APP: variants seen among roughly 807,000 people sequenced by gnomAD.
The protein encoded by APP is amyloid-beta precursor protein.
A neutral mutation model predicts 101.4 loss-of-function variants in APP; 31 were observed. The ratio of observed to expected loss-of-function variants is 0.31; its 90% CI spans 0.23 to 0.41. APP has a LOEUF of 0.41. APP is among the 10% of genes least tolerant of loss of function. The probability of loss-of-function intolerance (pLI) is 1.00; values close to 1 mark genes in which losing one functional copy is unlikely to be tolerated. For missense variants in APP, 839 were observed against 1,003.7 expected (o/e 0.84, Z 2.22); for synonymous variants, 366 against 364.4 (o/e 1.00, Z -0.05).
chr21:25,985,645 G>T (rs749330707), intron 8 of APP, among the ~76,000 whole-genome samples: 16 of 152,086 alleles, frequency 1.1e-4, no homozygotes, highest in Non-Finnish European at 2.2e-4. Context: ...ATTGTTGTGT[G>T]AGTCAATTCT....
chr21:26,140,024 A>G, intron 1 of APP: 1 of 730,742 alleles, frequency 1.4e-6, no homozygotes, highest in Non-Finnish European at 2.3e-6. Flanking sequence ...AATAATTTGC[A>G]AACTTCATCC....
intron 1 of APP, among the ~76,000 whole-genome samples, chr21:26,166,464 T>A (rs2063612255): frequency 1.3e-5 from 2 of 152,326 alleles, no homozygotes; most frequent in South Asian, 4.1e-4. Flanking sequence ...GATTTTTTTA[T>A]TTCTGTTTTC....
At chr21:26,078,996 T>A (rs914071045) in intron 3 of APP, among the ~76,000 whole-genome samples, 4 of 150,246 alleles carry the variant, frequency 2.7e-5, no homozygotes, top group African/African-American at 9.8e-5. Context: ...TGAGCTGAGA[T>A]TGTGCCATTG....
intron 3 of APP, among the ~76,000 whole-genome samples, chr21:26,073,790 C>G (rs966757541): frequency 6.6e-5 from 10 of 152,174 alleles, no homozygotes; most frequent in African/African-American, 2.4e-4. Flanking sequence ...CCCAGGAATT[C>G]AGACTCACCT....
chr21:25,946,666 C>T (rs2040835588), intron 13 of APP, among the ~76,000 whole-genome samples: 1 of 149,320 alleles, frequency 6.7e-6, no homozygotes, highest in African/African-American at 2.5e-5. Flanking sequence ...ACTCTGTCTC[C>T]AAAAATAAAA....
rs187905438 is a variant in APP at position 26,003,418 on chromosome 21, T to C, written c.866-3236A>G. 4.6e-5 allele frequency among the ~76,000 whole-genome samples: 7 copies of C among 152,322 alleles called. 1 individual carries two copies. On this transcript the variant is annotated intron_variant, in intron 6 of 17. Coordinates refer to ENST00000346798, the MANE Select transcript of APP (RefSeq NM_000484.4). ...TTAGGGGCAGTTGGCACTCTTGACT[T>C]TGAACGGCCCCCAAGAGTTTCACTG...
chr21:25,887,792 G>C (rs145436056), intron 17 of APP, among the ~76,000 whole-genome samples: 2 of 152,230 alleles, frequency 1.3e-5, no homozygotes, highest in African/African-American at 4.8e-5. Context: ...AATAGTTGTA[G>C]GTGTGTAGCC....
chr21:26,053,455 T>G, intron 3 of APP, 107 bp from the exon 4 acceptor site: 1 of 838,264 alleles, frequency 1.2e-6, no homozygotes, highest in Non-Finnish European at 2.0e-6. Flanking sequence ...AACAGCCTTT[T>G]AATGCCTAAG....
chr21:25,881,567 T>A lies in APP; in HGVS notation c.*103A>T. 1.5e-6 allele frequency: 2 copies of A among 1,333,922 alleles called. No individual in the cohort carries two copies. The highest frequency in any genetic ancestry group is 2.3e-5 in the South Asian group (2 of 85,162). 82.6% of individuals were successfully genotyped at this position (1,333,922 alleles called of 1,614,324 possible). ...TCAAAAGGCGATAATGAGTAAATCA[T>A]AAAACGGGTTTGTTTCTTCCCACAT... On this transcript the variant is annotated 3_prime_UTR_variant, in exon 18 of 18. Transcript: ENST00000346798.
chr21:26,170,223 CTGAA>C (rs2063713878), intron 1 of APP, among the ~76,000 whole-genome samples: 1 of 152,146 alleles, frequency 6.6e-6, no homozygotes, highest in Non-Finnish European at 1.5e-5. Flanking sequence ...TCCCCCCTGT[CTGAA>C]TGTCTCTCGC....
intron 6 of APP, among the ~76,000 whole-genome samples, chr21:26,011,470 C>G (rs761557137): frequency 2.2e-4 from 33 of 152,254 alleles, no homozygotes; most frequent in Non-Finnish European, 4.7e-4. Context: ...CTACTCCTCC[C>G]AGGGGACATT....
rs550414959 is a variant in APP at position 26,123,450 on chromosome 21, G to C, written c.58-11304C>G. ...AGCCAAGATTACTTCTTTTCCTGCA[G>C]ACTTGGAACACTAAAGAATACTCCA... On this transcript the variant is annotated intron_variant, in intron 1 of 17. Transcript: ENST00000346798. 1.9e-3 allele frequency among the ~76,000 whole-genome samples: 292 copies of C among 152,266 alleles called. 1 individual carries two copies. Among genetic ancestry groups the C allele is most frequent in the Admixed American group, 3.9e-3 (59 of 15,300 alleles).
Position 25,897,222 on chromosome 21 carries a change from C to T in APP, c.2064+351G>A, listed in dbSNP as rs529137261. ...CCACCTCCTGGGTTCAAGCAAGTCT[C>T]CTGCGTCAGCCTCCCCAGCAGCTGG... On this transcript the variant is annotated intron_variant, in intron 16 of 17. Transcript: ENST00000346798. Among the ~76,000 whole-genome samples, 5 of 152,150 alleles carry T rather than the reference C, an allele frequency of 3.3e-5. No homozygotes were observed. The East Asian group carries it at 9.7e-4, about 29-fold the overall frequency.
intron 8 of APP, among the ~76,000 whole-genome samples, chr21:25,992,907 A>C (rs900391291): frequency 2.0e-5 from 3 of 152,216 alleles, no homozygotes; most frequent in Non-Finnish European, 4.4e-5. Context: ...AACATTTGCT[A>C]CTGCACAGTG....
chr21:26,004,810 C>G (rs1457238977), intron 6 of APP, among the ~76,000 whole-genome samples: 1 of 147,332 alleles, frequency 6.8e-6, no homozygotes, highest in African/African-American at 2.5e-5. Context: ...CAACCCCCCA[C>G]CCCCCCAACA....
intron 6 of APP, among the ~76,000 whole-genome samples, chr21:26,013,857 T>A (rs1262185538): frequency 6.6e-6 from 1 of 152,216 alleles, no homozygotes; most frequent in Non-Finnish European, 1.5e-5. Flanking sequence ...AAGATGCTTG[T>A]CCATGTCCTG....
chr21:25,939,705 T>C (rs2040496206), intron 13 of APP, among the ~76,000 whole-genome samples: 2 of 152,188 alleles, frequency 1.3e-5, no homozygotes, highest in South Asian at 4.1e-4. Flanking sequence ...CAACCAGCAG[T>C]CTGGAAACTG....
chr21:25,918,043 C>T (rs1339186684), intron 13 of APP, among the ~76,000 whole-genome samples: 1 of 152,036 alleles, frequency 6.6e-6, no homozygotes, highest in African/African-American at 2.4e-5. Context: ...CAGATGCTGG[C>T]GAGGATGCGG....
Position 25,982,360 on chromosome 21 carries a change from C to T in APP, c.1208G>A (p.Arg403Gln), listed in dbSNP as rs773436278. ...KAKERLEAKH[R>Q]ERMSQVMREW... ...CAGACTTACCTGGGACATTCTCTCT[C>T]GGTGCTTGGCCTCAAGCCTCTCTTT... The change falls in exon 9 of 18, where the codon CGA becomes CAA. Residue 403 changes from arginine to glutamine, a missense_variant. Arg to Gln is a conservative substitution (Grantham distance 43, BLOSUM62 1). Transcript: ENST00000346798. 3.1e-6 allele frequency: 5 copies of T among 1,613,754 alleles called. No individual in the cohort carries two copies. Among genetic ancestry groups the T allele is most frequent in the South Asian group, 2.2e-5 (2 of 91,048 alleles).
Sources: allele counts gnomAD v4.1 joint callset (sites outside exome capture counted in the v4.1 genomes callset), GRCh38; gene constraint gnomAD v4.1.1; transcripts MANE v1.5; gene names NCBI Gene and HGNC (gene_info 2026-07-23, HGNC 2026-07-21).